The following LRRC66 variants were observed in gnomAD, a reference collection of about 807,000 sequenced individuals.
The protein encoded by LRRC66 is leucine rich repeat containing 66, also known as leucine-rich repeat-containing protein 66.
A neutral mutation model predicts 24.6 loss-of-function variants in LRRC66; 29 were observed. The observed-to-expected ratio is 1.18, with a 90% CI of 0.88 to 1.61. The LOEUF is 1.61. LRRC66 is among the 40% of genes most tolerant of loss of function. The pLI is 0.00. For synonymous variants in LRRC66, 411 were observed against 397.6 expected (o/e 1.03, Z -0.40); for missense variants, 1,124 against 1,058.0 (o/e 1.06, Z -0.87).
chr4:52,005,260 C>T (rs974524839), intron 2 of LRRC66, among the ~76,000 whole-genome samples: 9 of 152,152 alleles, frequency 5.9e-5, no homozygotes, highest in Admixed American at 3.9e-4. Flanking sequence ...TTGGCTGGAG[C>T]TGAATGAAGG....
At chr4:52,010,780 T>A in intron 2 of LRRC66, among the ~76,000 whole-genome samples, 1 of 152,170 alleles carries the variant, frequency 6.6e-6, no homozygotes, top group East Asian at 1.9e-4. Flanking sequence ...AGTGCATGTG[T>A]CTTTTTTGTA....
Position 51,996,048 on chromosome 4 carries a change from TGGG to T in LRRC66, c.971_973del (p.Pro324del), listed in dbSNP as rs1418474678. ...AGAAATGCCCGTGTGCCTTCCTCCC[TGGG>T]GCCTCTCTGCTTTGCTCCTTATGAG... On this transcript the variant is annotated inframe_deletion, in exon 5 of 5. Coordinates refer to ENST00000682860, the MANE Select transcript of LRRC66 (RefSeq NM_001024611.3). 1 of 1,614,056 alleles carries T rather than the reference TGGG, an allele frequency of 6.2e-7. No homozygotes were observed. The highest frequency in any genetic ancestry group is 1.3e-5 in the African/African-American group (1 of 75,026).
intron 3 of LRRC66, among the ~76,000 whole-genome samples, chr4:52,001,346 TG>T (rs1341029131): frequency 6.6e-6 from 1 of 151,814 alleles, no homozygotes; most frequent in African/African-American, 2.4e-5. Context: ...GATGAGCAAG[TG>T]GGGAGGACTT....
chr4:51,995,425 T>C lies in LRRC66; in HGVS notation c.1597A>G (p.Ile533Val), dbSNP rs1736275637. The C allele has an allele frequency of 3.1e-6, 5 of 1,614,178 alleles. No homozygotes were observed. The highest frequency in any genetic ancestry group is 4.2e-6 in the Non-Finnish European group (5 of 1,180,038). ...AAQDHIHRND[I>V]LGEWTYETVA... ...GTTTCATAAGTCCATTCTCCGAGAATATCATTCCTATGGATGTGGTCCTGC... is the reference window on the plus strand; with the variant it reads ...GTTTCATAAGTCCATTCTCCGAGAACATCATTCCTATGGATGTGGTCCTGC... Residue 533 changes from isoleucine (I) to valine (V), a missense_variant, in exon 5 of 5, where the codon ATT becomes GTT. By Grantham distance (29) the Ile-to-Val change is conservative. Coordinates refer to ENST00000682860, the MANE Select transcript of LRRC66 (RefSeq NM_001024611.3).
chr4:51,998,102 C>T (rs1452759240), intron 3 of LRRC66, among the ~76,000 whole-genome samples, 165 bp from the exon 4 acceptor site: 1 of 152,136 alleles, frequency 6.6e-6, no homozygotes, highest in Non-Finnish European at 1.5e-5. Context: ...TCTGTTCTAC[C>T]CCTAAAAAGT....
chr4:52,010,728 C>T (rs943518258), intron 2 of LRRC66, among the ~76,000 whole-genome samples: 7 of 152,130 alleles, frequency 4.6e-5, no homozygotes, highest in Non-Finnish European at 8.8e-5. Context: ...TAGGTTGATT[C>T]CATGTAGTTG....
chr4:51,998,204 G>C (rs1009357986), intron 3 of LRRC66, among the ~76,000 whole-genome samples: 2 of 152,160 alleles, frequency 1.3e-5, no homozygotes, highest in African/African-American at 4.8e-5. Context: ...TCAGTATCAT[G>C]CCTATATTTG....
At position 51,997,894 on chromosome 4, in the gene LRRC66, A is replaced by G. The variant is rs749855801; in HGVS notation, c.710T>C (p.Met237Thr). 2 of 1,613,982 alleles carry G rather than the reference A, an allele frequency of 1.2e-6. No homozygotes were observed. Among genetic ancestry groups the G allele is most frequent in the Non-Finnish European group, 1.7e-6 (2 of 1,179,984 alleles). The stretch of plus-strand genomic sequence containing the variant: ...GGGAAATTCTAGAGCTATGATCATC[A>G]TTGGTAGGATGGTAATCAGAGCATT... ...SNNALITILP[M>T]MIIALEFPHL... Residue 237 changes from methionine (M) to threonine (T), a missense_variant, in exon 4 of 5, where the codon ATG becomes ACG. Transcript: ENST00000682860.
chr4:52,018,523 C>T, intron 1 of LRRC66: 2 of 985,378 alleles, frequency 2.0e-6, no homozygotes, highest in Non-Finnish European at 2.4e-6. Context: ...GTTTAGTTTT[C>T]ATCACTGCAG....
intron 4 of LRRC66, 138 bp downstream of exon 4, chr4:51,997,610 C>T: frequency 2.9e-6 from 2 of 701,140 alleles, no homozygotes; most frequent in Non-Finnish European, 4.8e-6. Flanking sequence ...TTTTCTATGA[C>T]ACAGCCCAAG....
chr4:51,996,065 G>T lies in LRRC66; in HGVS notation c.957C>A (p.Ser319Arg), dbSNP rs1228872770. 2 of 1,613,912 alleles carry T rather than the reference G, an allele frequency of 1.2e-6. No homozygotes were observed. The highest frequency in any genetic ancestry group is 1.7e-5 in the Admixed American group (1 of 59,986). ...HLHRMKSLIR[S>R]KAERPQGGRH... ...TTCCTCCCTGGGGCCTCTCTGCTTT[G>T]CTCCTTATGAGGCTTTTCATGCGAT... is the stretch of plus-strand genomic sequence containing the variant. Residue 319 changes from serine (S) to arginine (R), a missense_variant, in exon 5 of 5, where the codon AGC (serine) becomes AGA (arginine). By Grantham distance (110) the Ser-to-Arg change is moderately radical (BLOSUM62 -1). Transcript: ENST00000682860.
At chr4:52,003,177 C>A in intron 3 of LRRC66, 46 bp downstream of exon 3, 1 of 1,443,498 alleles carries the variant, frequency 6.9e-7, no homozygotes, top group Admixed American at 1.9e-5. Context: ...AATGTAATTG[C>A]CCATGTGTCT....
chr4:52,002,459 A>G (rs1048156721), intron 3 of LRRC66, among the ~76,000 whole-genome samples: 3 of 152,136 alleles, frequency 2.0e-5, no homozygotes, highest in African/African-American at 7.2e-5. Context: ...GAGATTTTAC[A>G]ACATTCTCCC....
chr4:52,002,570 T>C (rs947147086), intron 3 of LRRC66, among the ~76,000 whole-genome samples: 4 of 152,180 alleles, frequency 2.6e-5, no homozygotes, highest in African/African-American at 7.2e-5. Context: ...AGTAGTATAA[T>C]TGGCACCTTG....
In LRRC66 at chr4:52,003,252, G is replaced by T; in HGVS notation, c.637C>A (p.Gln213Lys). 1 of 1,613,214 alleles carries T rather than the reference G, an allele frequency of 6.2e-7. No homozygotes were observed. The change falls in exon 3 of 5, where the codon CAA (glutamine) becomes AAA (lysine). Residue 213 changes from glutamine to lysine, a missense_variant. Coordinates refer to ENST00000682860, the MANE Select transcript of LRRC66 (RefSeq NM_001024611.3). ...KSNKIFKIPP[Q>K]AFKDLKKLQV... ...AATTTTTTGAGGTCCTTGAAGGCTT[G>T]TGGGGGAATTTTGAATATCTTGTTG...
chr4:52,000,670 G>T (rs1027640596), intron 3 of LRRC66, among the ~76,000 whole-genome samples: 1 of 152,242 alleles, frequency 6.6e-6, no homozygotes, highest in African/African-American at 2.4e-5. Flanking sequence ...GCACAGAACT[G>T]AAGGCAGGCT....
chr4:52,019,042 A>G (rs2110205825), intron 1 of LRRC66, among the ~76,000 whole-genome samples: 1 of 152,082 alleles, frequency 6.6e-6, no homozygotes, highest in African/African-American at 2.4e-5. Flanking sequence ...ACAACTCACT[A>G]ATTTGTATTT....
chr4:52,005,982 C>G (rs1274959540), intron 2 of LRRC66, among the ~76,000 whole-genome samples: 1 of 152,208 alleles, frequency 6.6e-6, no homozygotes, highest in Non-Finnish European at 1.5e-5. Flanking sequence ...AAATAAGACA[C>G]CAATATGAAA....
intron 2 of LRRC66, among the ~76,000 whole-genome samples, chr4:52,012,081 G>A (rs963503972): frequency 6.6e-6 from 1 of 152,072 alleles, no homozygotes; most frequent in Admixed American, 6.6e-5. Context: ...CAGCTACATG[G>A]AAGGCTAAGG....
Sources: allele counts gnomAD v4.1 joint callset (sites outside exome capture counted in the v4.1 genomes callset), GRCh38; gene constraint gnomAD v4.1.1; transcripts MANE v1.5; gene names NCBI Gene and HGNC (gene_info 2026-07-23, HGNC 2026-07-21).